The following RGS7 variants were observed in gnomAD, a reference collection of about 807,000 sequenced individuals.
The protein encoded by RGS7 is regulator of G protein signaling 7.
RGS7 carries 27 observed loss-of-function variants against 81.1 expected under a neutral mutation model. That is an observed-to-expected ratio of 0.33 (90% CI 0.25 to 0.46). The LOEUF (loss-of-function observed/expected upper bound fraction) is 0.46, where lower values mean the gene tolerates loss of function less well. Ranked by LOEUF, RGS7 falls within the 20% of genes least tolerant of loss-of-function variation. The probability of loss-of-function intolerance (pLI) is 1.00; values close to 1 mark genes in which losing one functional copy is unlikely to be tolerated. For synonymous variants in RGS7, 208 were observed against 207.7 expected (o/e 1.00, Z -0.01); for missense variants, 396 against 607.4 (o/e 0.65, Z 3.66).
At chr1:240,879,674 A>C (rs1437712466) in intron 6 of RGS7, among the ~76,000 whole-genome samples, 1 of 152,170 alleles carries the variant, frequency 6.6e-6, no homozygotes, top group Non-Finnish European at 1.5e-5. Context: ...CTTTGTACAA[A>C]TGCTTAAATA....
intron 2 of RGS7, among the ~76,000 whole-genome samples, chr1:241,216,132 C>T (rs1291779616): frequency 2.0e-5 from 3 of 151,934 alleles, no homozygotes; most frequent in Non-Finnish European, 2.9e-5. Flanking sequence ...CGTAGCCGGG[C>T]GTGGTGGCAT....
intron 2 of RGS7, among the ~76,000 whole-genome samples, chr1:241,298,263 G>A (rs144776514): frequency 6.6e-6 from 1 of 152,248 alleles, no homozygotes; most frequent in African/African-American, 2.4e-5. Context: ...TTGATTGAGG[G>A]TCACCAGAGA....
intron 4 of RGS7, among the ~76,000 whole-genome samples, chr1:240,966,688 T>C (rs1163894482): frequency 2.0e-5 from 3 of 152,156 alleles, no homozygotes; most frequent in East Asian, 1.9e-4. Flanking sequence ...GAGAAAAAAT[T>C]GATTAATCGA....
At chr1:241,343,866 TACC>T (rs1473268724) in intron 2 of RGS7, among the ~76,000 whole-genome samples, 3 of 152,186 alleles carry the variant, frequency 2.0e-5, no homozygotes, top group Non-Finnish European at 2.9e-5. Flanking sequence ...TATATATTTT[TACC>T]ACAATAGAAA....
At position 240,802,872 on chromosome 1, in the gene RGS7, C is replaced by T. The variant is rs771301004; in HGVS notation, c.1359+32G>A. 6 of 1,373,438 alleles carry T rather than the reference C, an allele frequency of 4.4e-6. No individual in the cohort carries two copies. The Admixed American group carries it at 1.0e-4, about 23-fold the overall frequency. The allele number at this position is 1,373,438 out of a possible 1,614,324, so 85.1% of individuals were successfully genotyped here. ...CAAATAATTATAACTGAGAACTAGGCCAAGAAAAAACAACTCACAAAAAAC... is the reference window on the plus strand; with the variant it reads ...CAAATAATTATAACTGAGAACTAGGTCAAGAAAAAACAACTCACAAAAAAC... On this transcript the variant is annotated intron_variant, in intron 16 of 18. Coordinates refer to ENST00000440928, the MANE Select transcript of RGS7 (RefSeq NM_001364886.1).
intron 2 of RGS7, among the ~76,000 whole-genome samples, chr1:241,253,763 C>T (rs1336418365): frequency 1.3e-5 from 2 of 152,154 alleles, no homozygotes; most frequent in Non-Finnish European, 2.9e-5. Context: ...AGTCCCCTCC[C>T]TTTTCCCTGG....
At chr1:241,094,614 CAAAAA>C (rs2064124071) in intron 3 of RGS7, among the ~76,000 whole-genome samples, 1 of 151,430 alleles carries the variant, frequency 6.6e-6, no homozygotes, top group African/African-American at 2.4e-5. Context: ...AAAACCAAAA[CAAAAA>C]CAAAAACAAA....
chr1:241,121,727 T>TTTTTC (rs2066273604), intron 2 of RGS7, among the ~76,000 whole-genome samples: 1 of 141,234 alleles, frequency 7.1e-6, no homozygotes, highest in African/African-American at 2.7e-5. Flanking sequence ...TTTTTTTTTT[T>TTTTTC]TTTTTTTTGA....
intron 2 of RGS7, among the ~76,000 whole-genome samples, chr1:241,232,563 T>G (rs1205443467): frequency 6.6e-6 from 1 of 152,048 alleles, no homozygotes; most frequent in Non-Finnish European, 1.5e-5. Flanking sequence ...GGTCATAAAT[T>G]TTGAAATGAG....
At chr1:241,260,008 C>T (rs1481170574) in intron 2 of RGS7, among the ~76,000 whole-genome samples, 1 of 152,116 alleles carries the variant, frequency 6.6e-6, no homozygotes, top group South Asian at 2.1e-4. Context: ...GAATGAAAGT[C>T]ATTTACCTTC....
intron 2 of RGS7, among the ~76,000 whole-genome samples, chr1:241,171,370 T>C (rs60756951): frequency 0.16 from 24,709 of 152,218 alleles, 2,873 homozygotes; most frequent in African/African-American, 0.32. Flanking sequence ...TTGTTTCCAT[T>C]GTGCCACTGA....
At chr1:241,093,247 T>C (rs1202190390) in intron 3 of RGS7, among the ~76,000 whole-genome samples, 1 of 152,178 alleles carries the variant, frequency 6.6e-6, no homozygotes, top group Non-Finnish European at 1.5e-5. Context: ...TTTTTGTAGT[T>C]AAGGACAGAC....
intron 2 of RGS7, among the ~76,000 whole-genome samples, chr1:241,227,611 G>T (rs919618187): frequency 6.6e-6 from 1 of 151,430 alleles, no homozygotes; most frequent in African/African-American, 2.4e-5. Context: ...GCTGGGCATG[G>T]TGGTGTGCAC....
intron 5 of RGS7, among the ~76,000 whole-genome samples, chr1:240,935,748 T>C (rs1676511922): frequency 2.0e-5 from 3 of 152,236 alleles, no homozygotes; most frequent in Admixed American, 2.0e-4. Context: ...CAGTCATTTA[T>C]GTAGACATAG....
intron 2 of RGS7, among the ~76,000 whole-genome samples, chr1:241,306,705 C>A (rs1349923117): frequency 2.6e-5 from 4 of 151,286 alleles, no homozygotes; most frequent in Admixed American, 2.6e-4. Context: ...ACACATACAC[C>A]CTTATACACA....
At chr1:241,233,788 T>C (rs914649769) in intron 2 of RGS7, among the ~76,000 whole-genome samples, 2 of 128,634 alleles carry the variant, frequency 1.6e-5, no homozygotes. Context: ...GGTAGTTCTA[T>C]TTTTTAGTTT....
intron 9 of RGS7, among the ~76,000 whole-genome samples, chr1:240,838,655 T>A (rs1028979626): frequency 6.6e-6 from 1 of 152,226 alleles, no homozygotes; most frequent in Non-Finnish European, 1.5e-5. Flanking sequence ...AAAAAAAATC[T>A]TTTAAAATAA....
At chr1:241,062,764 C>T (rs906000855) in intron 3 of RGS7, among the ~76,000 whole-genome samples, 21 of 152,148 alleles carry the variant, frequency 1.4e-4, no homozygotes, top group Admixed American at 2.0e-4. Context: ...CTAAAAATGG[C>T]CTCTTGGATG....
intron 4 of RGS7, among the ~76,000 whole-genome samples, chr1:240,970,795 G>A (rs1199053098): frequency 2.0e-5 from 3 of 152,092 alleles, no homozygotes; most frequent in African/African-American, 7.2e-5. Context: ...GACCAGCCTG[G>A]CCAACATGGT....
Sources: allele counts gnomAD v4.1 joint callset (sites outside exome capture counted in the v4.1 genomes callset), GRCh38; gene constraint gnomAD v4.1.1; transcripts MANE v1.5; gene names NCBI Gene and HGNC (gene_info 2026-07-23, HGNC 2026-07-21).